LRRC37A3: variants seen among roughly 807,000 people sequenced by gnomAD.
LRRC37A3 encodes the protein leucine-rich repeat-containing protein 37A3.
In LRRC37A3, 25 loss-of-function variants were observed where a neutral mutation model predicts 106.2. The ratio of observed to expected loss-of-function variants is 0.24; its 90% CI spans 0.17 to 0.33. The LOEUF is 0.33. LRRC37A3 is among the 10% of genes least tolerant of loss of function. The pLI is 1.00. For synonymous variants in LRRC37A3, 305 were observed against 635.8 expected (o/e 0.48, Z 7.83); for missense variants, 712 against 1,644.9 (o/e 0.43, Z 9.81).
At chr17:64,916,481 G>A (rs1339230800) in intron 2 of LRRC37A3, among the ~76,000 whole-genome samples, 2 of 150,916 alleles carry the variant, frequency 1.3e-5, no homozygotes, top group Non-Finnish European at 2.9e-5. Flanking sequence ...CTTAAATAAA[G>A]ATTTTGGTAT....
chr17:64,917,429 G>C (rs531421323), intron 2 of LRRC37A3, among the ~76,000 whole-genome samples: 1 of 151,906 alleles, frequency 6.6e-6, no homozygotes, highest in Non-Finnish European at 1.5e-5. Flanking sequence ...ATTTACTCAA[G>C]AGAAACAAGA....
At chr17:64,863,063 A>G (rs1346901864) in intron 10 of LRRC37A3, 45 bp from the exon 11 acceptor site, 1 of 1,596,440 alleles carries the variant, frequency 6.3e-7, no homozygotes, top group Non-Finnish European at 8.5e-7. Context: ...TAAAGCGGTT[A>G]CTTGAGTAGG....
Position 64,854,245 on chromosome 17 carries a change from G to A in LRRC37A3, c.*354C>T. ...GGGCTTGGGAAAAAGACAGGGCTTG[G>A]CCCCACAGTGCAGGTAGGCCCAGTG... On this transcript the variant is annotated 3_prime_UTR_variant, in exon 15 of 15. Transcript: ENST00000584306. 2.5e-6 allele frequency: 1 copy of A among 396,552 alleles called. No individual in the cohort carries two copies. The highest frequency in any genetic ancestry group is 4.5e-6 in the Non-Finnish European group (1 of 221,428). 24.6% of individuals were successfully genotyped at this position (396,552 alleles called of 1,614,324 possible).
At chr17:64,909,106 G>A (rs1598435895) in intron 2 of LRRC37A3, among the ~76,000 whole-genome samples, 2 of 152,170 alleles carry the variant, frequency 1.3e-5, no homozygotes, top group East Asian at 3.9e-4. Context: ...TTCCCAGGTT[G>A]TGCTGTTTGG....
intron 8 of LRRC37A3, among the ~76,000 whole-genome samples, chr17:64,878,585 A>C (rs541254646): frequency 5.9e-5 from 9 of 152,368 alleles, no homozygotes; most frequent in Non-Finnish European, 1.2e-4. Context: ...AAAAATGTTG[A>C]ATGTCTTAAA....
intron 12 of LRRC37A3, 71 bp from the exon 13 acceptor site, chr17:64,858,954 GTTCT>G (rs1598389693): frequency 2.8e-6 from 3 of 1,084,760 alleles, no homozygotes; most frequent in Non-Finnish European, 2.8e-6. Flanking sequence ...TAGCTTACAG[GTTCT>G]TTTTTATTTT....
At chr17:64,869,531 TA>T (rs1314412926) in intron 8 of LRRC37A3, among the ~76,000 whole-genome samples, 23 of 145,896 alleles carry the variant, frequency 1.6e-4, no homozygotes, top group African/African-American at 6.0e-4. Context: ...GTTGTTCATC[TA>T]TTTTTTTTTT....
intron 2 of LRRC37A3, among the ~76,000 whole-genome samples, chr17:64,912,941 T>C (rs1337961846): frequency 1.4e-5 from 2 of 145,830 alleles, no homozygotes; most frequent in Non-Finnish European, 3.0e-5. Flanking sequence ...AGCAAAAGGG[T>C]AGAGAAAGAT....
In LRRC37A3 at chr17:64,854,371, C is replaced by T. The variant is rs898187166; in HGVS notation, c.*228G>A. On this transcript the variant is annotated 3_prime_UTR_variant, in exon 15 of 15. Coordinates refer to ENST00000584306, the MANE Select transcript of LRRC37A3 (RefSeq NM_199340.5). Reference sequence around the variant, plus strand: ...GCTTGATGAACCAAGGGAGAGGGCACCAAAAACAATGTTATTTAATTGTAA... The same window carrying T: ...GCTTGATGAACCAAGGGAGAGGGCATCAAAAACAATGTTATTTAATTGTAA... The T allele has an allele frequency of 2.5e-5, 17 of 683,960 alleles. No individual in the cohort carries two copies. Among genetic ancestry groups the T allele is most frequent in the Non-Finnish European group, 3.7e-5 (15 of 404,766 alleles). The allele number at this position is 683,960 out of a possible 1,614,324, so 42.4% of individuals were successfully genotyped here. A position where few individuals can be genotyped will look rare whatever the true frequency, so the allele number is the denominator to read the frequency against.
At chr17:64,863,603 T>C (rs1972953123) in intron 10 of LRRC37A3, 1 of 153,322 alleles carries the variant, frequency 6.5e-6, no homozygotes, top group South Asian at 2.0e-4. Flanking sequence ...GGGGAGTTCT[T>C]CTTCAATGAA....
intron 8 of LRRC37A3, among the ~76,000 whole-genome samples, chr17:64,873,298 A>C (rs1046358462): frequency 6.7e-6 from 1 of 150,030 alleles, no homozygotes; most frequent in Non-Finnish European, 1.5e-5. Flanking sequence ...GTCCCTGAGA[A>C]GGACCAGATG....
chr17:64,877,270 C>G (rs1313661176), intron 8 of LRRC37A3, among the ~76,000 whole-genome samples: 1 of 152,146 alleles, frequency 6.6e-6, no homozygotes, highest in Non-Finnish European at 1.5e-5. Context: ...GGCGTGACCT[C>G]GGCTTACTGC....
rs540569060 is a variant in LRRC37A3, at chr17:64,860,703, C to T, written c.3443G>A (p.Gly1148Glu). The T allele has an allele frequency of 3.7e-6, 6 of 1,613,960 alleles. 1 individual carries two copies. The Admixed American group carries it at 1.0e-4, about 27-fold the overall frequency. ...AGTTTGAATCTTTGCCAGGCTGTTT[C>T]CTGTGGTTGGCAGTTTAATGAACGG... Reference protein sequence around the residue: ...LLPFIKLPTTGNSLAKIQTVG... With the variant: ...LLPFIKLPTTENSLAKIQTVG... The change falls in exon 12 of 15, where the codon GGA becomes GAA. Residue 1148 changes from glycine (G) to glutamate (E), a missense_variant. Coordinates refer to ENST00000584306, the MANE Select transcript of LRRC37A3 (RefSeq NM_199340.5).
Position 64,858,828 on chromosome 17 carries a change from A to G in LRRC37A3, c.4760T>C (p.Ile1587Thr), listed in dbSNP as rs147453724. The change falls in exon 13 of 15, where the codon ATT becomes ACT. Residue 1587 changes from isoleucine to threonine, a missense_variant. Ile to Thr is a moderately conservative substitution (Grantham distance 89, BLOSUM62 -1). Coordinates refer to ENST00000584306, the MANE Select transcript of LRRC37A3 (RefSeq NM_199340.5). ...CAAAATCGTTAGTATTCCAGTCACA[A>G]TTAACGCCAAGATGAGTTTTTTGGT... Reference protein sequence around the residue: ...GYTKKLILALIVTGILTILII... With the variant: ...GYTKKLILALTVTGILTILII... 6.2e-6 allele frequency: 10 copies of G among 1,613,726 alleles called. No individual in the cohort carries two copies. Among genetic ancestry groups the G allele is most frequent in the Middle Eastern group, 3.3e-4 (2 of 6,084 alleles).
chr17:64,866,616 ATATATATATATATTTTT>A lies in LRRC37A3; in HGVS notation c.3053+1829_3053+1845del, dbSNP rs1382013316. On this transcript the variant is annotated intron_variant, in intron 10 of 14. Coordinates refer to ENST00000584306, the MANE Select transcript of LRRC37A3 (RefSeq NM_199340.5). ...TATATATATATATATATATATATAT[ATATATATATATATTTTT>A]TTTTTTTTTTTTTTTTAGACAGGGT... Among the ~76,000 whole-genome samples, 10 of 23,774 alleles carry A rather than the reference ATATATATATATATTTTT, an allele frequency of 4.2e-4. 1 individual carries two copies. Among genetic ancestry groups the A allele is most frequent in the African/African-American group, 1.7e-3 (8 of 4,724 alleles). 15.6% of individuals were successfully genotyped at this position (23,774 alleles called of 152,430 possible).
intron 8 of LRRC37A3, chr17:64,880,954 C>CA (rs1314243416): frequency 1.7e-6 from 1 of 593,892 alleles, no homozygotes; most frequent in Non-Finnish European, 3.0e-6. Context: ...ATTTAAATGA[C>CA]AAACTCCAAA....
Position 64,858,884 on chromosome 17 carries a change from C to CT in LRRC37A3, c.4705-2dup, listed in dbSNP as rs758491840. 3.9e-6 allele frequency: 6 copies of CT among 1,542,106 alleles called. No homozygotes were observed. Among genetic ancestry groups the CT allele is most frequent in the Non-Finnish European group, 5.3e-6 (6 of 1,132,544 alleles). On this transcript the variant is annotated splice_acceptor_variant, in intron 12 of 14. Coordinates refer to ENST00000584306, the MANE Select transcript of LRRC37A3 (RefSeq NM_199340.5). LOFTEE classifies it high-confidence loss of function. Reference sequence around the variant, plus strand: ...CATATCCTGGAAGTTCTTTTGTGAACTAAAAAAAAAAAAACCAGAATGAGA... The same window carrying CT: ...CATATCCTGGAAGTTCTTTTGTGAACTTAAAAAAAAAAAAACCAGAATGAGA...
intron 8 of LRRC37A3, among the ~76,000 whole-genome samples, chr17:64,878,363 G>T (rs1448457393): frequency 6.6e-6 from 1 of 152,098 alleles, no homozygotes; most frequent in Non-Finnish European, 1.5e-5. Flanking sequence ...AAAAACTTTT[G>T]TGCATCAAAG....
chr17:64,890,800 C>T (rs1973932393), intron 5 of LRRC37A3, among the ~76,000 whole-genome samples: 1 of 141,766 alleles, frequency 7.1e-6, no homozygotes, highest in Non-Finnish European at 1.5e-5. Flanking sequence ...CCATTGCACT[C>T]CAGCCTGGGC....
Sources: allele counts gnomAD v4.1 joint callset (sites outside exome capture counted in the v4.1 genomes callset), GRCh38; gene constraint gnomAD v4.1.1; transcripts MANE v1.5; gene names NCBI Gene and HGNC (gene_info 2026-07-23, HGNC 2026-07-21).